ANO2: variants seen among roughly 807,000 people sequenced by gnomAD.
ANO2 encodes anoctamin-2.
ANO2 carries 101 observed loss-of-function variants against 124.2 expected under a neutral mutation model. The ratio of observed to expected loss-of-function variants is 0.81; its 90% CI spans 0.69 to 0.96. The LOEUF (loss-of-function observed/expected upper bound fraction) is 0.96. Among genes scored for constraint, ANO2 ranks in the 40% least tolerant of loss-of-function variants. The pLI is 0.00. For synonymous variants in ANO2, 486 were observed against 482.5 expected, an observed-to-expected ratio of 1.01 and a Z score of -0.09; for missense variants, 1,293 against 1,274.5, an observed-to-expected ratio of 1.01 and a Z score of -0.22.
chr12:5,684,372 G>A (rs1353131290), intron 14 of ANO2, among the ~76,000 whole-genome samples: 5 of 152,220 alleles, frequency 3.3e-5, no homozygotes, highest in African/African-American at 7.2e-5. Flanking sequence ...AGCAGGAGAA[G>A]GTCTCTGCCA....
intron 19 of ANO2, among the ~76,000 whole-genome samples, chr12:5,607,902 A>G (rs1237893738): frequency 6.6e-6 from 1 of 152,188 alleles, no homozygotes; most frequent in Non-Finnish European, 1.5e-5. Flanking sequence ...TTATTTCATT[A>G]TATATTGCAA....
intron 10 of ANO2, among the ~76,000 whole-genome samples, chr12:5,785,541 C>T (rs1454075129): frequency 6.6e-6 from 1 of 152,154 alleles, no homozygotes; most frequent in Non-Finnish European, 1.5e-5. Context: ...GTAGGTGACA[C>T]ATCATTGGTT....
chr12:5,690,769 A>C (rs1272995098), intron 14 of ANO2, among the ~76,000 whole-genome samples: 1 of 152,230 alleles, frequency 6.6e-6, no homozygotes, highest in Non-Finnish European at 1.5e-5. Flanking sequence ...AAGCTCAGGA[A>C]GAATCACCTC....
At chr12:5,718,295 CA>C (rs1449871160) in intron 14 of ANO2, among the ~76,000 whole-genome samples, 1 of 152,240 alleles carries the variant, frequency 6.6e-6, no homozygotes. Flanking sequence ...GGTGCCTCCT[CA>C]AAGACCCCAC....
intron 11 of ANO2, among the ~76,000 whole-genome samples, chr12:5,744,774 T>G (rs1190199808): frequency 6.6e-6 from 1 of 152,130 alleles, no homozygotes; most frequent in Non-Finnish European, 1.5e-5. Context: ...TGGTCCCAAG[T>G]AGAAACAAAC....
intron 3 of ANO2, among the ~76,000 whole-genome samples, chr12:5,878,382 T>G (rs1938252612): frequency 6.6e-6 from 1 of 152,234 alleles, no homozygotes; most frequent in Non-Finnish European, 1.5e-5. Context: ...TTAAGTGCTT[T>G]TCCATAATAC....
rs894566288 is a variant in ANO2, at chr12:5,768,705, A to G, written c.1056-17735T>C. On this transcript the variant is annotated intron_variant, in intron 10 of 24. Transcript: ENST00000682330. ...AGGGACTGACCCATGCCTGTACGGT[A>G]GGTCTCCTGACTGGCTGTGGAACGA... Among the ~76,000 whole-genome samples the G allele has an allele frequency of 2.6e-5, 4 of 152,250 alleles. No individual in the cohort carries two copies. In the East Asian group the frequency reaches 7.7e-4, roughly 29 times the overall value.
chr12:5,603,326 A>G (rs1944032058), intron 19 of ANO2, among the ~76,000 whole-genome samples: 1 of 152,232 alleles, frequency 6.6e-6, no homozygotes. Flanking sequence ...AACAAGAGTG[A>G]CCAATATAAG....
intron 10 of ANO2, among the ~76,000 whole-genome samples, chr12:5,798,269 C>T (rs1952932891): frequency 6.6e-6 from 1 of 152,000 alleles, no homozygotes; most frequent in Non-Finnish European, 1.5e-5. Flanking sequence ...GTCACAGGCC[C>T]CGCATGTCCC....
intron 4 of ANO2, chr12:5,839,702 G>A: frequency 2.2e-6 from 1 of 447,810 alleles, no homozygotes; most frequent in Non-Finnish European, 4.5e-6. Context: ...GTTTTGCAGT[G>A]TACCCAGCAC....
At chr12:5,923,207 CACCCACAT>C in intron 1 of ANO2, among the ~76,000 whole-genome samples, 2 of 149,236 alleles carry the variant, frequency 1.3e-5, no homozygotes, top group African/African-American at 2.5e-5. Flanking sequence ...CACGCACACA[CACCCACAT>C]ACACACACAC....
chr12:5,781,832 C>T (rs1355562939), intron 10 of ANO2, among the ~76,000 whole-genome samples: 1 of 152,276 alleles, frequency 6.6e-6, no homozygotes, highest in East Asian at 1.9e-4. Context: ...TGTATGATCT[C>T]AATTCTTTAA....
chr12:5,796,067 G>A (rs190316987), intron 10 of ANO2, among the ~76,000 whole-genome samples: 3 of 152,104 alleles, frequency 2.0e-5, no homozygotes, highest in Admixed American at 2.0e-4. Flanking sequence ...GGATTGGGGT[G>A]CACTCACTCA....
At chr12:5,655,869 T>C (rs971408492) in intron 14 of ANO2, among the ~76,000 whole-genome samples, 13 of 152,048 alleles carry the variant, frequency 8.5e-5, no homozygotes, top group Non-Finnish European at 1.5e-4. Context: ...ACATGGACCA[T>C]GAAGTAGCCA....
chr12:5,700,405 A>G (rs933334574), intron 14 of ANO2, among the ~76,000 whole-genome samples: 1 of 152,248 alleles, frequency 6.6e-6, no homozygotes, highest in East Asian at 1.9e-4. Flanking sequence ...GAACAAAGAC[A>G]CAACATACCA....
intron 14 of ANO2, among the ~76,000 whole-genome samples, chr12:5,673,409 A>G (rs1219847488): frequency 6.6e-6 from 1 of 152,198 alleles, no homozygotes; most frequent in East Asian, 1.9e-4. Context: ...TCTGGGAAGC[A>G]GTTTGTCCTT....
intron 17 of ANO2, among the ~76,000 whole-genome samples, chr12:5,614,615 A>G (rs1944704908): frequency 6.6e-6 from 1 of 152,206 alleles, no homozygotes; most frequent in Non-Finnish European, 1.5e-5. Flanking sequence ...ACATCCCTCT[A>G]CTACTATAAA....
intron 14 of ANO2, among the ~76,000 whole-genome samples, chr12:5,648,245 G>C (rs1246593891): frequency 1.3e-5 from 2 of 152,154 alleles, no homozygotes; most frequent in African/African-American, 4.8e-5. Context: ...TGACAGATAC[G>C]ACCCAACCAC....
intron 14 of ANO2, among the ~76,000 whole-genome samples, chr12:5,725,157 C>G (rs572432430): frequency 6.6e-6 from 1 of 151,946 alleles, no homozygotes; most frequent in South Asian, 2.1e-4. Flanking sequence ...GGCACACTCA[C>G]CCATCCACAC....
Sources: allele counts gnomAD v4.1 joint callset (sites outside exome capture counted in the v4.1 genomes callset), GRCh38; gene constraint gnomAD v4.1.1; transcripts MANE v1.5; gene names NCBI Gene and HGNC (gene_info 2026-07-23, HGNC 2026-07-21).